The following MLKL variants were observed in gnomAD, a reference collection of about 807,000 sequenced individuals.
MLKL encodes the protein mixed lineage kinase domain-like protein.
A neutral mutation model predicts 56.5 loss-of-function variants in MLKL; 55 were observed. The ratio of observed to expected loss-of-function variants is 0.97; its 90% confidence interval spans 0.78 to 1.22. The LOEUF (loss-of-function observed/expected upper bound fraction) is 1.22. MLKL is among the 50% of genes most tolerant of loss of function. The pLI, the probability that MLKL is intolerant of heterozygous loss-of-function variation, is 0.00. For synonymous variants in MLKL, 251 were observed against 208.3 expected, an observed-to-expected ratio of 1.20 and a Z score of -1.76; for missense variants, 694 against 573.9, an observed-to-expected ratio of 1.21 and a Z score of -2.14.
intron 8 of MLKL, 95 bp downstream of exon 8, chr16:74,675,518 A>G: frequency 6.4e-7 from 1 of 1,571,292 alleles, no homozygotes; most frequent in Non-Finnish European, 8.6e-7. Context: ...ATTTCATTCA[A>G]CAGAGTTGAG....
chr16:74,682,917 C>G, intron 5 of MLKL, 131 bp from the exon 6 acceptor site: 1 of 1,117,086 alleles, frequency 9.0e-7, no homozygotes, highest in African/African-American at 1.6e-5. Flanking sequence ...CCCCAATCCT[C>G]AGCCCACAGT....
At chr16:74,688,734 C>T (rs567399203) in intron 4 of MLKL, among the ~76,000 whole-genome samples, 1 of 151,830 alleles carries the variant, frequency 6.6e-6, no homozygotes, top group African/African-American at 2.4e-5. Context: ...AACAAAAAAC[C>T]CCCAAAACCT....
At chr16:74,691,559 A>C in intron 3 of MLKL, 96 bp from the exon 4 acceptor site, 1 of 1,340,614 alleles carries the variant, frequency 7.5e-7, no homozygotes, top group East Asian at 2.3e-5. Flanking sequence ...GTGAGTGGGA[A>C]GCTCTACTAC....
chr16:74,693,800 T>C (rs1217615827), intron 2 of MLKL, among the ~76,000 whole-genome samples: 5 of 152,112 alleles, frequency 3.3e-5, no homozygotes, highest in East Asian at 1.9e-4. Context: ...AGACGGGGTT[T>C]CACCGTGTTA....
intron 6 of MLKL, 97 bp downstream of exon 6, chr16:74,682,554 C>A (rs1008606124): frequency 6.7e-7 from 1 of 1,498,622 alleles, no homozygotes; most frequent in Non-Finnish European, 9.1e-7. Context: ...GGGAGACTGT[C>A]TGGGGCGTCT....
intron 5 of MLKL, among the ~76,000 whole-genome samples, chr16:74,683,026 A>G (rs1052383434): frequency 6.6e-6 from 1 of 151,970 alleles, no homozygotes; most frequent in Non-Finnish European, 1.5e-5. Flanking sequence ...TAAAAAAAAA[A>G]TTGGCTGGGT....
At chr16:74,693,459 AAAAAAAAAAG>A (rs1960799675) in intron 2 of MLKL, among the ~76,000 whole-genome samples, 1 of 97,768 alleles carries the variant, frequency 1.0e-5, no homozygotes, top group South Asian at 3.0e-4. Context: ...GTCTCAAAAA[AAAAAAAAAAG>A]AAAAGAAAAA....
At chr16:74,677,657 T>G (rs951387546) in intron 7 of MLKL, 1 of 152,318 alleles carries the variant, frequency 6.6e-6, no homozygotes, top group Non-Finnish European at 1.5e-5. Context: ...TGCCTGGCCA[T>G]GTAGCAGCTC....
intron 3 of MLKL, among the ~76,000 whole-genome samples, chr16:74,692,022 G>A (rs960620743): frequency 4.6e-5 from 7 of 152,222 alleles, no homozygotes; most frequent in Non-Finnish European, 1.0e-4. Flanking sequence ...GAATGAATGA[G>A]TGGGCATTTT....
chr16:74,675,463 C>G (rs1959535895), intron 8 of MLKL, 59 bp from the exon 9 acceptor site: 2 of 1,591,152 alleles, frequency 1.3e-6, no homozygotes, highest in East Asian at 4.5e-5. Context: ...CCCTGTCCCT[C>G]TAGCCACTGC....
intron 4 of MLKL, among the ~76,000 whole-genome samples, chr16:74,686,439 T>C (rs1304783769): frequency 1.3e-5 from 2 of 152,028 alleles, no homozygotes; most frequent in Non-Finnish European, 2.9e-5. Flanking sequence ...AAAAATTAGC[T>C]GGGTGTGGTG....
intron 2 of MLKL, 147 bp downstream of exon 2, chr16:74,695,151 C>T (rs1242877895): frequency 4.6e-5 from 38 of 833,394 alleles, no homozygotes; most frequent in Non-Finnish European, 6.6e-5. Flanking sequence ...GGATTACAGG[C>T]GAGAGCCATC....
At chr16:74,698,449 G>C (rs1430153604) in intron 1 of MLKL, among the ~76,000 whole-genome samples, 1 of 152,104 alleles carries the variant, frequency 6.6e-6, no homozygotes, top group Non-Finnish European at 1.5e-5. Flanking sequence ...TGTTGCCTGA[G>C]AGTTACAGTG....
chr16:74,674,112 GTGTGGT>G (rs1959421059), intron 10 of MLKL, among the ~76,000 whole-genome samples: 2 of 151,740 alleles, frequency 1.3e-5, no homozygotes, highest in Non-Finnish European at 2.9e-5. Context: ...AGAGTTCTTT[GTGTGGT>G]GGGCTGTCCT....
In MLKL at chr16:74,682,782, A is replaced by T. The variant is rs1317479469; in HGVS notation, c.825T>A (p.Thr275=). Reference sequence around the variant, plus strand: ...CCATGACAATGGAGAATTGAGGCGGAGTCACTGGTGGAAAGGAGCCAGACA... The same window carrying T: ...CCATGACAATGGAGAATTGAGGCGGTGTCACTGGTGGAAAGGAGCCAGACA... ...IFGICIDETV[T]PPQFSIVMEY... Residue 275 remains threonine (T), a synonymous_variant, in exon 6 of 11, where the codon ACT becomes ACA. Coordinates refer to ENST00000308807, the MANE Select transcript of MLKL (RefSeq NM_152649.4). The T allele has an allele frequency of 1.2e-6, 2 of 1,613,980 alleles. No homozygotes were observed. The highest frequency in any genetic ancestry group is 1.7e-6 in the Non-Finnish European group (2 of 1,179,942).
intron 10 of MLKL, 25 bp from the exon 11 acceptor site, chr16:74,672,563 A>T (rs1390963577): frequency 1.2e-6 from 2 of 1,612,192 alleles, no homozygotes; most frequent in Non-Finnish European, 1.7e-6. Context: ...ACAGAAAATT[A>T]GACCAGGGTA....
chr16:74,674,621 T>C (rs1324592988), intron 10 of MLKL, among the ~76,000 whole-genome samples: 1 of 152,010 alleles, frequency 6.6e-6, no homozygotes, highest in African/African-American at 2.4e-5. Context: ...CTAGCTAATT[T>C]TAGTAGAGAT....
chr16:74,682,689 GC>G lies in MLKL; in HGVS notation c.917del (p.Arg306ProfsTer4). 1 of 1,614,146 alleles carries G rather than the reference GC, an allele frequency of 6.2e-7. No homozygotes were observed. Among genetic ancestry groups the G allele is most frequent in the Non-Finnish European group, 8.5e-7 (1 of 1,180,022 alleles). On this transcript the variant is annotated frameshift_variant, in exon 6 of 11. Transcript: ENST00000308807. LOFTEE classifies it high-confidence loss of function. Reference protein sequence around the residue: ...DREKDLTLGKRMVLVLGAARG... With the variant: ...DREKDLTLGKXMVLVLGAARG... ...GGGCTGCCCCCAGGACTAGGACCATGCGCTTGCCAAGTGTGAGGTCTTTTTC... is the reference window on the plus strand; with the variant it reads ...GGGCTGCCCCCAGGACTAGGACCATGGCTTGCCAAGTGTGAGGTCTTTTTC...
intron 2 of MLKL, among the ~76,000 whole-genome samples, chr16:74,693,938 C>CA (rs1373618133): frequency 2.0e-5 from 3 of 151,882 alleles, no homozygotes; most frequent in Non-Finnish European, 2.9e-5. Context: ...TATTTTATCA[C>CA]AAAAAATGGG....
Sources: gnomAD v4.1 joint callset for allele counts (sites outside exome capture counted in the v4.1 genomes callset) on GRCh38, gnomAD v4.1.1 for gene constraint, MANE v1.5 for transcripts, NCBI Gene and HGNC (gene_info 2026-07-23, HGNC 2026-07-21) for gene names.